PBX1: variants seen among roughly 807,000 people sequenced by gnomAD.
PBX1 encodes pre-B-cell leukemia transcription factor 1.
Under a neutral mutation model 53.4 loss-of-function variants are expected in PBX1, and 6 were observed. The ratio of observed to expected loss-of-function variants is 0.11; its 90% CI spans 0.06 to 0.22. PBX1 has a LOEUF of 0.22. Among genes scored for constraint, PBX1 ranks in the 10% least tolerant of loss-of-function variants. PBX1 has a pLI of 1.00. For missense variants in PBX1, 251 were observed against 551.4 expected, an observed-to-expected ratio of 0.46 and a Z score of 5.46; for synonymous variants, 204 against 212.3, an observed-to-expected ratio of 0.96 and a Z score of 0.34.
chr1:164,794,546 G>A lies in PBX1; in HGVS notation c.510+1808G>A, dbSNP rs545669880. Reference sequence around the variant, plus strand: ...TTTGCCTTCTTGGGAAAGAACAAATGTTCTCGCCACAGTGTTGGCTCATAT... The same window carrying A: ...TTTGCCTTCTTGGGAAAGAACAAATATTCTCGCCACAGTGTTGGCTCATAT... On this transcript the variant is annotated intron_variant, in intron 3 of 8. Transcript: ENST00000420696. Among the ~76,000 whole-genome samples the A allele has an allele frequency of 3.3e-4, 51 of 152,260 alleles. 1 individual carries two copies. The South Asian group carries it at 6.6e-3, about 20-fold the overall frequency.
intron 2 of PBX1, among the ~76,000 whole-genome samples, chr1:164,874,249 G>A (rs375217362): frequency 3.9e-5 from 6 of 152,098 alleles, no homozygotes; most frequent in African/African-American, 1.4e-4. Context: ...TCATAGCCAG[G>A]GATTAGGCCC....
intron 2 of PBX1, among the ~76,000 whole-genome samples, chr1:164,614,440 G>A (rs907060030): frequency 7.2e-5 from 11 of 152,000 alleles, no homozygotes; most frequent in African/African-American, 2.2e-4. Flanking sequence ...TTCTTAGGTC[G>A]GACCTATCTT....
chr1:164,658,138 A>G (rs534281772), intron 2 of PBX1, among the ~76,000 whole-genome samples: 5 of 147,452 alleles, frequency 3.4e-5, no homozygotes, highest in African/African-American at 1.3e-4. Context: ...CAGAAGTTGT[A>G]ATTATTTCAC....
intron 3 of PBX1, 143 bp downstream of exon 3, chr1:164,792,881 G>T: frequency 1.5e-6 from 1 of 667,976 alleles, no homozygotes; most frequent in South Asian, 2.0e-5. Context: ...CCCAGCCACA[G>T]AGCCCTGGCC....
downstream of PBX1, among the ~76,000 whole-genome samples, chr1:164,853,653 C>G (rs1215296289): frequency 6.6e-6 from 1 of 152,138 alleles, no homozygotes; most frequent in East Asian, 1.9e-4. Context: ...TTCTAGCGTG[C>G]CTTAGCACCG....
intron 2 of PBX1, among the ~76,000 whole-genome samples, chr1:164,698,733 T>G (rs1195035042): frequency 6.6e-6 from 1 of 152,224 alleles, no homozygotes; most frequent in Non-Finnish European, 1.5e-5. Flanking sequence ...TTATCTGGCT[T>G]CCTAGCCTGT....
At chr1:164,637,088 A>G (rs992882797) in intron 2 of PBX1, among the ~76,000 whole-genome samples, 2 of 152,138 alleles carry the variant, frequency 1.3e-5, no homozygotes, top group African/African-American at 4.8e-5. Context: ...ATGAGGGGAA[A>G]AATTCTCCAG....
intron 2 of PBX1, among the ~76,000 whole-genome samples, chr1:164,589,745 T>C (rs1655228952): frequency 6.6e-6 from 1 of 152,218 alleles, no homozygotes; most frequent in Non-Finnish European, 1.5e-5. Flanking sequence ...ACTTTTCTGA[T>C]TCCTGTTCCT....
At chr1:164,762,689 C>G (rs1666870833) in intron 2 of PBX1, among the ~76,000 whole-genome samples, 1 of 152,084 alleles carries the variant, frequency 6.6e-6, no homozygotes, top group Admixed American at 6.5e-5. Context: ...GTTAGAAATG[C>G]TATTATTCCA....
chr1:164,699,275 A>G (rs1662966621), intron 2 of PBX1, among the ~76,000 whole-genome samples: 1 of 152,210 alleles, frequency 6.6e-6, no homozygotes, highest in Admixed American at 6.5e-5. Flanking sequence ...ATCGAAAATG[A>G]TGAAAATACA....
At chr1:164,664,549 A>G (rs898567703) in intron 2 of PBX1, among the ~76,000 whole-genome samples, 1 of 152,202 alleles carries the variant, frequency 6.6e-6, no homozygotes, top group African/African-American at 2.4e-5. Flanking sequence ...TTTTGGCTTG[A>G]GTTGAACTCC....
chr1:164,792,424 A>G (rs979591439), intron 2 of PBX1, 70 bp from the exon 3 acceptor site: 2 of 1,578,030 alleles, frequency 1.3e-6, no homozygotes, highest in Non-Finnish European at 1.7e-6. Context: ...CAAAGAACAC[A>G]AATGTGTTGT....
chr1:164,574,693 T>A (rs7549357), intron 2 of PBX1, among the ~76,000 whole-genome samples: 2 of 152,062 alleles, frequency 1.3e-5, no homozygotes, highest in African/African-American at 4.8e-5. Context: ...ATTAAAAAAA[T>A]TTTTATTGCT....
chr1:164,663,617 CCTGT>C (rs1160629692), intron 2 of PBX1, among the ~76,000 whole-genome samples: 6 of 152,256 alleles, frequency 3.9e-5, no homozygotes, highest in East Asian at 3.9e-4. Flanking sequence ...GATGATTGCA[CCTGT>C]CTGTCATTGC....
At chr1:164,568,981 A>G (rs1382671676) in intron 2 of PBX1, among the ~76,000 whole-genome samples, 1 of 152,200 alleles carries the variant, frequency 6.6e-6, no homozygotes, top group East Asian at 1.9e-4. Context: ...GTGGAAATTG[A>G]GATTGCAATG....
At position 164,658,663 on chromosome 1, in the gene PBX1, C is replaced by T. The variant is rs540708969; in HGVS notation, c.265+95352C>T. Among the ~76,000 whole-genome samples the T allele has an allele frequency of 4.6e-5, 7 of 152,242 alleles. No homozygotes were observed. In the East Asian group the frequency reaches 9.6e-4, roughly 21 times the overall value. On this transcript the variant is annotated intron_variant, in intron 2 of 8. Transcript: ENST00000420696. ...CTACATATCTACATATGAGGTTGGT[C>T]TTTATGACCTTGGATGGGCTATTTC...
chr1:164,882,578 T>C (rs184129992), intron 2 of PBX1, among the ~76,000 whole-genome samples: 58 of 152,344 alleles, frequency 3.8e-4, no homozygotes, highest in Admixed American at 1.5e-3. Flanking sequence ...AACTAACGCA[T>C]ATTTTTTTAC....
intron 2 of PBX1, among the ~76,000 whole-genome samples, chr1:164,570,918 A>G (rs1653800903): frequency 6.6e-6 from 1 of 152,208 alleles, no homozygotes. Context: ...GAGAGATGCT[A>G]TCTCATTGTG....
At chr1:164,582,390 T>G (rs2101743900) in intron 2 of PBX1, among the ~76,000 whole-genome samples, 1 of 152,146 alleles carries the variant, frequency 6.6e-6, no homozygotes, top group South Asian at 2.1e-4. Context: ...TTTTTCCTGG[T>G]ACTGGACCCC....
Sources: gnomAD v4.1 joint callset for allele counts (sites outside exome capture counted in the v4.1 genomes callset) on GRCh38, gnomAD v4.1.1 for gene constraint, MANE v1.5 for transcripts, NCBI Gene and HGNC (gene_info 2026-07-23, HGNC 2026-07-21) for gene names.